Variants in DLG2 observed in about 807,000 individuals in gnomAD.
The protein encoded by DLG2 is disks large homolog 2.
A neutral mutation model predicts 132.5 loss-of-function variants in DLG2; 45 were observed. The ratio of observed to expected loss-of-function variants is 0.34; its 90% CI spans 0.27 to 0.44. DLG2 has a LOEUF of 0.44. Among genes scored for constraint, DLG2 ranks in the 20% least tolerant of loss-of-function variants. The probability of loss-of-function intolerance (pLI) is 1.00; values close to 1 mark genes in which losing one functional copy is unlikely to be tolerated. For missense variants in DLG2, 1,045 were observed against 1,196.9 expected (o/e 0.87, Z 1.87); for synonymous variants, 424 against 419.6 (o/e 1.01, Z -0.13).
intron 7 of DLG2, among the ~76,000 whole-genome samples, chr11:84,462,429 G>A (rs1307906452): frequency 1.3e-5 from 2 of 151,108 alleles, no homozygotes; most frequent in East Asian, 3.9e-4. Flanking sequence ...TAAACACAGT[G>A]ACCACTGTGC....
At chr11:84,606,185 T>A in intron 6 of DLG2, among the ~76,000 whole-genome samples, 1 of 152,176 alleles carries the variant, frequency 6.6e-6, no homozygotes. Context: ...ATTAAAAAAA[T>A]GAAAACATTT....
chr11:85,209,445 C>CTTGTTT (rs2082109533), intron 4 of DLG2, among the ~76,000 whole-genome samples: 1 of 74,434 alleles, frequency 1.3e-5, no homozygotes, highest in Non-Finnish European at 2.4e-5. Flanking sequence ...AGAAATCAGT[C>CTTGTTT]TTTTTTTTTT....
chr11:83,725,059 C>A (rs994619529), intron 18 of DLG2: 14 of 578,646 alleles, frequency 2.4e-5, no homozygotes, highest in Non-Finnish European at 4.4e-5. Context: ...AGTGGCAGAG[C>A]TAGTTTGAGA....
chr11:84,784,100 C>A (rs1469013109), intron 6 of DLG2, among the ~76,000 whole-genome samples: 3 of 134,056 alleles, frequency 2.2e-5, no homozygotes, highest in Admixed American at 8.6e-5. Flanking sequence ...GAGTTCAAGA[C>A]CAGCCTGGCC....
intron 6 of DLG2, among the ~76,000 whole-genome samples, chr11:84,544,221 T>C (rs1170425689): frequency 6.6e-6 from 1 of 152,226 alleles, no homozygotes; most frequent in Non-Finnish European, 1.5e-5. Context: ...GAGGTAACTG[T>C]AATTCTAAAG....
intron 6 of DLG2, among the ~76,000 whole-genome samples, chr11:84,616,340 C>A (rs529952563): frequency 2.5e-3 from 387 of 151,892 alleles, no homozygotes; most frequent in Non-Finnish European, 4.1e-3. Flanking sequence ...GTTTTATGTA[C>A]AATGAAATAT....
intron 3 of DLG2, among the ~76,000 whole-genome samples, chr11:85,436,560 AC>A (rs1257635474): frequency 1.3e-5 from 2 of 152,188 alleles, no homozygotes; most frequent in African/African-American, 4.8e-5. Flanking sequence ...TGAAAAAAAC[AC>A]AGCATCATTG....
intron 3 of DLG2, among the ~76,000 whole-genome samples, chr11:85,353,249 A>C (rs2083436472): frequency 6.6e-6 from 1 of 152,242 alleles, no homozygotes; most frequent in South Asian, 2.1e-4. Context: ...GCTCATCATT[A>C]CTGGCCATCA....
rs1415704048 is a variant in DLG2 at position 85,170,882 on chromosome 11, C to T, written c.187-16231G>A. Among the ~76,000 whole-genome samples, 12 of 151,696 alleles carry T rather than the reference C, an allele frequency of 7.9e-5. No homozygotes were observed. In the East Asian group the frequency reaches 2.3e-3, roughly 29 times the overall value. ...TTCTCTTTTTGCTTTCCCTTGGTCC[C>T]ACCAGCCCAACTCCCCTTCTCTAAT... On this transcript the variant is annotated intron_variant, in intron 4 of 27. Transcript: ENST00000376104.
chr11:84,329,473 T>C (rs1213042994), intron 7 of DLG2, among the ~76,000 whole-genome samples: 1 of 152,154 alleles, frequency 6.6e-6, no homozygotes, highest in Non-Finnish European at 1.5e-5. Context: ...TAAAGGAGTT[T>C]CCCACTTTGC....
intron 18 of DLG2, among the ~76,000 whole-genome samples, chr11:83,652,800 A>G (rs1476679408): frequency 6.6e-6 from 1 of 152,136 alleles, no homozygotes; most frequent in East Asian, 1.9e-4. Flanking sequence ...CCTCAGGCTG[A>G]TCTCCCTTTG....
chr11:83,502,061 T>C (rs2094471752), intron 21 of DLG2, among the ~76,000 whole-genome samples: 1 of 152,230 alleles, frequency 6.6e-6, no homozygotes, highest in African/African-American at 2.4e-5. Flanking sequence ...AATAATAGCA[T>C]TTGTTGGTAA....
chr11:84,163,515 T>C lies in DLG2; in HGVS notation c.574-4A>G. 6.2e-7 allele frequency: 1 copy of C among 1,600,488 alleles called. No individual in the cohort carries two copies. The highest frequency in any genetic ancestry group is 1.1e-5 in the South Asian group (1 of 88,694). Reference sequence around the variant, plus strand: ...ATTCAATTTCTGTCCCATTGACCTGTAAATAGGGAAAAAATAAGAAGAGAA... The same window carrying C: ...ATTCAATTTCTGTCCCATTGACCTGCAAATAGGGAAAAAATAAGAAGAGAA... On this transcript the variant is annotated splice_polypyrimidine_tract_variant and splice_region_variant and intron_variant, in intron 8 of 27. Transcript: ENST00000376104.
At chr11:84,993,395 T>C (rs982658615) in intron 6 of DLG2, among the ~76,000 whole-genome samples, 3 of 152,122 alleles carry the variant, frequency 2.0e-5, no homozygotes, top group Non-Finnish European at 4.4e-5. Flanking sequence ...ATAGGTATAG[T>C]AATAGCCAAA....
chr11:84,529,819 G>A (rs189475119), intron 7 of DLG2, among the ~76,000 whole-genome samples: 2 of 152,284 alleles, frequency 1.3e-5, no homozygotes, highest in African/African-American at 2.4e-5. Context: ...AACCAAAACA[G>A]AGCCCAAAGA....
chr11:84,726,964 T>C (rs1337914786), intron 6 of DLG2, among the ~76,000 whole-genome samples: 1 of 152,182 alleles, frequency 6.6e-6, no homozygotes, highest in Non-Finnish European at 1.5e-5. Context: ...CCTTGTAAAT[T>C]TGTTTAAGTT....
chr11:84,758,846 C>T (rs2067227911), intron 6 of DLG2, among the ~76,000 whole-genome samples: 1 of 152,136 alleles, frequency 6.6e-6, no homozygotes, highest in Non-Finnish European at 1.5e-5. Flanking sequence ...CTACAAAATA[C>T]ACAAGCAATT....
chr11:84,855,886 A>G (rs1327098391), intron 6 of DLG2, among the ~76,000 whole-genome samples: 1 of 152,008 alleles, frequency 6.6e-6, no homozygotes, highest in African/African-American at 2.4e-5. Flanking sequence ...ATGGGAAGAA[A>G]AGAAACGTGG....
chr11:85,485,930 G>T (rs2093419004), intron 3 of DLG2, among the ~76,000 whole-genome samples: 1 of 152,178 alleles, frequency 6.6e-6, no homozygotes, highest in Non-Finnish European at 1.5e-5. Flanking sequence ...ACTAGGCTGG[G>T]ACGGGAAAGG....
Sources: gnomAD v4.1 joint callset for allele counts (sites outside exome capture counted in the v4.1 genomes callset) on GRCh38, gnomAD v4.1.1 for gene constraint, MANE v1.5 for transcripts, NCBI Gene and HGNC (gene_info 2026-07-23, HGNC 2026-07-21) for gene names.